Variants in NSUN6 observed in about 807,000 individuals in gnomAD.
NSUN6 encodes NOP2/Sun RNA methyltransferase 6, also known as tRNA (cytosine(72)-C(5))-methyltransferase NSUN6.
In NSUN6, 64 loss-of-function variants were observed where a neutral mutation model predicts 58.0. The ratio of observed to expected loss-of-function variants is 1.10; its 90% CI spans 0.90 to 1.36. The LOEUF (loss-of-function observed/expected upper bound fraction) is 1.36, where lower values mean the gene tolerates loss of function less well. Ranked by LOEUF, NSUN6 falls within the 40% of genes most tolerant of loss-of-function variation. NSUN6 has a pLI of 0.00. For synonymous variants in NSUN6, 231 were observed against 193.9 expected, an observed-to-expected ratio of 1.19 and a Z score of -1.59; for missense variants, 701 against 550.1, an observed-to-expected ratio of 1.27 and a Z score of -2.74.
intron 8 of NSUN6, among the ~76,000 whole-genome samples, chr10:18,567,107 TCATTCCATTCTATTCACCACTG>T (rs1297522035): frequency 6.9e-6 from 1 of 145,000 alleles, no homozygotes; most frequent in Non-Finnish European, 1.5e-5. Flanking sequence ...ATCCTCCATT[TCATTCCATTCTATTCACCACTG>T]CATTCCATTC....
intron 2 of NSUN6, among the ~76,000 whole-genome samples, chr10:18,647,390 T>C (rs2059576370): frequency 6.6e-6 from 1 of 152,222 alleles, no homozygotes; most frequent in South Asian, 2.1e-4. Flanking sequence ...ATACAATTTA[T>C]GTGGTACCTC....
At chr10:18,566,348 C>T (rs562522057) in intron 8 of NSUN6, among the ~76,000 whole-genome samples, 11 of 147,778 alleles carry the variant, frequency 7.4e-5, no homozygotes, top group South Asian at 2.2e-4. Flanking sequence ...CATTCCATTC[C>T]GCAATCCATT....
At chr10:18,597,791 T>C (rs187204738) in intron 6 of NSUN6, among the ~76,000 whole-genome samples, 32 of 151,954 alleles carry the variant, frequency 2.1e-4, no homozygotes, top group African/African-American at 6.5e-4. Context: ...AATAAATACA[T>C]ACAAACATAC....
chr10:18,631,409 T>A (rs1417664810), intron 3 of NSUN6, among the ~76,000 whole-genome samples: 2 of 142,236 alleles, frequency 1.4e-5, no homozygotes, highest in Non-Finnish European at 3.0e-5. Context: ...GCCAGGGCAA[T>A]TAGGCAGGAG....
intron 8 of NSUN6, among the ~76,000 whole-genome samples, chr10:18,561,980 G>C (rs1177302324): frequency 6.6e-6 from 1 of 150,744 alleles, no homozygotes; most frequent in Non-Finnish European, 1.5e-5. Context: ...GGAATGGAAT[G>C]AAAAATGATA....
chr10:18,570,599 C>A (rs942351527), intron 8 of NSUN6, among the ~76,000 whole-genome samples: 2 of 150,814 alleles, frequency 1.3e-5, no homozygotes, highest in Non-Finnish European at 3.0e-5. Flanking sequence ...CCATTCCATT[C>A]CACTGTCCAT....
upstream of NSUN6, chr10:18,655,076 C>T (rs1203043463): frequency 3.1e-6 from 3 of 981,882 alleles, no homozygotes; most frequent in African/African-American, 1.8e-5. Context: ...GAAATTAGCA[C>T]TATAATTTGC....
Position 18,545,583 on chromosome 10 carries a change from T to C in NSUN6, c.*350A>G, listed in dbSNP as rs1184864282. On this transcript the variant is annotated 3_prime_UTR_variant, in exon 11 of 11. Transcript: ENST00000377304. ...ACATCAAATATTGCTAATTTATTCC[T>C]TTTGTTAGATTCACTAATTTTTAAC... is the stretch of plus-strand genomic sequence containing the variant. 1.2e-5 allele frequency: 2 copies of C among 172,678 alleles called. No individual in the cohort carries two copies. The highest frequency in any genetic ancestry group is 4.8e-5 in the African/African-American group (2 of 41,810). The allele number at this position is 172,678 out of a possible 1,614,324, so 10.7% of individuals were successfully genotyped here. A position where few individuals can be genotyped will look rare whatever the true frequency, so the allele number is the denominator to read the frequency against.
chr10:18,658,475 GCTTTT>G (rs574600643), upstream of NSUN6: 95 of 158,372 alleles, frequency 6.0e-4, no homozygotes, highest in Middle Eastern at 9.7e-3. Flanking sequence ...AGGCTGTGAA[GCTTTT>G]CTTTTCAATG....
chr10:18,652,045 T>G, upstream of NSUN6: 1 of 985,346 alleles, frequency 1.0e-6, no homozygotes, highest in Non-Finnish European at 1.2e-6. Flanking sequence ...CTGACTTCAG[T>G]TGTGAAGTTC....
At chr10:18,634,495 TA>T (rs2059144825) in intron 3 of NSUN6, among the ~76,000 whole-genome samples, 1 of 151,816 alleles carries the variant, frequency 6.6e-6, no homozygotes, top group South Asian at 2.1e-4. Context: ...CTCACGCCTA[TA>T]ATCCCTGCAC....
intron 6 of NSUN6, among the ~76,000 whole-genome samples, chr10:18,603,542 C>G (rs1366387597): frequency 6.6e-6 from 1 of 151,130 alleles, no homozygotes; most frequent in Non-Finnish European, 1.5e-5. Flanking sequence ...GCAATCTAGG[C>G]TCACTTCAAC....
chr10:18,641,488 C>G (rs539431399), intron 3 of NSUN6, among the ~76,000 whole-genome samples: 98 of 151,880 alleles, frequency 6.5e-4, no homozygotes, highest in Non-Finnish European at 1.1e-3. Flanking sequence ...ACCTCAGCCT[C>G]CTGAATAGCC....
intron 8 of NSUN6, among the ~76,000 whole-genome samples, chr10:18,583,100 T>TA (rs2056977483): frequency 6.6e-6 from 1 of 152,214 alleles, no homozygotes; most frequent in East Asian, 1.9e-4. Context: ...ACTGATCAAC[T>TA]AAAATTATAA....
rs779810929 is a variant in NSUN6 at position 18,546,046 on chromosome 10, C to T, written c.1297G>A (p.Asp433Asn). The T allele has an allele frequency of 3.7e-6, 6 of 1,602,334 alleles. No individual in the cohort carries two copies. Among genetic ancestry groups the T allele is most frequent in the Non-Finnish European group, 5.1e-6 (6 of 1,175,608 alleles). The change falls in exon 11 of 11, where the codon GAC (aspartate) becomes AAC (asparagine). Residue 433 changes from aspartate (D) to asparagine (N), a missense_variant. Transcript: ENST00000377304. ...RFDPSAVPLPDTDMDSLREAR... is the reference protein window; with the variant it reads ...RFDPSAVPLPNTDMDSLREAR... ...TCTCTAAGAGAGTCCATGTCAGTGT[C>T]CGGTAATGGCACAGCCGATGGATCA... is the stretch of plus-strand genomic sequence containing the variant.
At chr10:18,558,553 A>T (rs2133491037) in intron 8 of NSUN6, among the ~76,000 whole-genome samples, 1 of 151,102 alleles carries the variant, frequency 6.6e-6, no homozygotes, top group Non-Finnish European at 1.5e-5. Context: ...GGAATGCAGT[A>T]GTGAATATAA....
At chr10:18,639,806 G>T (rs1263391179) in intron 3 of NSUN6, among the ~76,000 whole-genome samples, 1 of 152,172 alleles carries the variant, frequency 6.6e-6, no homozygotes, top group Non-Finnish European at 1.5e-5. Flanking sequence ...TGGCAAGAAT[G>T]AAAGCATCAA....
chr10:18,585,219 G>C (rs1345414317), intron 8 of NSUN6, among the ~76,000 whole-genome samples: 1 of 152,174 alleles, frequency 6.6e-6, no homozygotes, highest in African/African-American at 2.4e-5. Context: ...TTGTTGGTAG[G>C]AATGTAAATT....
At chr10:18,659,304 G>A, upstream of NSUN6, 1 of 303,492 alleles carries the variant, frequency 3.3e-6, no homozygotes, top group Non-Finnish European at 6.1e-6. Context: ...CACGCGCCTA[G>A]CTTCCGGCGA....
Sources: gnomAD v4.1 joint callset for allele counts (sites outside exome capture counted in the v4.1 genomes callset) on GRCh38, gnomAD v4.1.1 for gene constraint, MANE v1.5 for transcripts, NCBI Gene and HGNC (gene_info 2026-07-23, HGNC 2026-07-21) for gene names.